The following FGF12 variants were observed in gnomAD, a reference collection of about 807,000 sequenced individuals.
The protein encoded by FGF12 is fibroblast growth factor 12.
Under a neutral mutation model 23.6 loss-of-function variants are expected in FGF12, and 14 were observed. The ratio of observed to expected loss-of-function variants is 0.59; its 90% CI spans 0.39 to 0.93. The LOEUF is 0.93. Ranked by LOEUF, FGF12 falls within the 40% of genes least tolerant of loss-of-function variation. FGF12 has a pLI of 0.00. For missense variants in FGF12, 175 were observed against 217.8 expected, an observed-to-expected ratio of 0.80 and a Z score of 1.24; for synonymous variants, 62 against 77.3, an observed-to-expected ratio of 0.80 and a Z score of 1.04.
At chr3:192,467,554 A>C (rs1185880630) in intron 2 of FGF12, among the ~76,000 whole-genome samples, 1 of 152,222 alleles carries the variant, frequency 6.6e-6, no homozygotes, top group Non-Finnish European at 1.5e-5. Flanking sequence ...AATTACCATA[A>C]TTAAGAAAGA....
At chr3:192,147,421 G>A (rs1008575183) in intron 5 of FGF12, among the ~76,000 whole-genome samples, 4 of 152,090 alleles carry the variant, frequency 2.6e-5, no homozygotes, top group African/African-American at 4.8e-5. Context: ...TTGCATTAAC[G>A]CTTAATGACT....
intron 4 of FGF12, among the ~76,000 whole-genome samples, chr3:192,283,579 G>A (rs1431845938): frequency 6.6e-6 from 1 of 152,038 alleles, no homozygotes; most frequent in African/African-American, 2.4e-5. Context: ...ATCACTCCTG[G>A]TTGGGAGAGA....
At chr3:192,203,710 A>G (rs1226609695) in intron 4 of FGF12, among the ~76,000 whole-genome samples, 1 of 151,842 alleles carries the variant, frequency 6.6e-6, no homozygotes, top group Non-Finnish European at 1.5e-5. Flanking sequence ...TTCAGATTAT[A>G]GATTATAGAT....
chr3:192,288,393 T>C (rs997209656), intron 4 of FGF12, among the ~76,000 whole-genome samples: 1 of 152,108 alleles, frequency 6.6e-6, no homozygotes, highest in African/African-American at 2.4e-5. Flanking sequence ...AAACATAGTA[T>C]CTATTCTCCC....
chr3:192,391,435 T>C (rs1168499806), intron 2 of FGF12, among the ~76,000 whole-genome samples: 5 of 152,196 alleles, frequency 3.3e-5, no homozygotes, highest in African/African-American at 7.2e-5. Flanking sequence ...AATTATGAAG[T>C]TCTTTTCTCA....
chr3:192,249,537 G>T (rs2108604564), intron 4 of FGF12, among the ~76,000 whole-genome samples: 1 of 152,128 alleles, frequency 6.6e-6, no homozygotes, highest in African/African-American at 2.4e-5. Flanking sequence ...AGGAAGAGAG[G>T]AGTTTTTTTT....
chr3:192,715,410 T>A (rs1505443), intron 2 of FGF12, among the ~76,000 whole-genome samples: 35,797 of 152,072 alleles, frequency 0.24, 4,594 homozygotes, highest in East Asian at 0.38. Flanking sequence ...AATCCATTAA[T>A]CTTCTCCTGG....
chr3:192,314,417 A>C (rs1054946881), intron 4 of FGF12, among the ~76,000 whole-genome samples: 1 of 152,162 alleles, frequency 6.6e-6, no homozygotes, highest in African/African-American at 2.4e-5. Context: ...ACTTCTGGGA[A>C]GATGTTAGCT....
At chr3:192,513,430 T>C (rs1393721555) in intron 2 of FGF12, among the ~76,000 whole-genome samples, 2 of 152,208 alleles carry the variant, frequency 1.3e-5, no homozygotes, top group African/African-American at 2.4e-5. Flanking sequence ...CAGTTCTTTT[T>C]AGTAGTTTTC....
chr3:192,380,840 A>G (rs1719785077), intron 2 of FGF12, among the ~76,000 whole-genome samples: 1 of 151,976 alleles, frequency 6.6e-6, no homozygotes, highest in Non-Finnish European at 1.5e-5. Flanking sequence ...AACCCCACGT[A>G]AGTATTTTAA....
intron 2 of FGF12, among the ~76,000 whole-genome samples, chr3:192,394,934 C>T (rs1316683612): frequency 6.6e-6 from 1 of 152,178 alleles, no homozygotes; most frequent in Non-Finnish European, 1.5e-5. Context: ...TCACTTAGCG[C>T]TTCACCAGAG....
At chr3:192,627,065 G>T (rs1715198218) in intron 2 of FGF12, among the ~76,000 whole-genome samples, 1 of 152,078 alleles carries the variant, frequency 6.6e-6, no homozygotes, top group African/African-American at 2.4e-5. Context: ...GATATGCTTG[G>T]AAGAGCTATA....
intron 2 of FGF12, among the ~76,000 whole-genome samples, chr3:192,379,972 G>A (rs1719748582): frequency 1.3e-5 from 2 of 152,134 alleles, no homozygotes; most frequent in South Asian, 4.1e-4. Flanking sequence ...ATACCATAAA[G>A]TACCCAGATT....
chr3:192,369,504 T>C (rs1719128582), intron 2 of FGF12, among the ~76,000 whole-genome samples: 1 of 152,138 alleles, frequency 6.6e-6, no homozygotes, highest in Admixed American at 6.5e-5. Flanking sequence ...ATAACCTTCA[T>C]TTTTGGAGTT....
At chr3:192,565,104 G>A (rs1712216422) in intron 2 of FGF12, among the ~76,000 whole-genome samples, 1 of 152,198 alleles carries the variant, frequency 6.6e-6, no homozygotes, top group Admixed American at 6.5e-5. Flanking sequence ...TAGCAAGTTT[G>A]AAAATTCTCT....
chr3:192,192,072 A>G (rs1223645491), intron 4 of FGF12, among the ~76,000 whole-genome samples: 1 of 152,226 alleles, frequency 6.6e-6, no homozygotes, highest in Non-Finnish European at 1.5e-5. Flanking sequence ...AACCTTCAGG[A>G]CAAACTCTAG....
intron 4 of FGF12, among the ~76,000 whole-genome samples, chr3:192,286,938 G>T (rs1395033690): frequency 2.0e-5 from 3 of 151,884 alleles, no homozygotes; most frequent in African/African-American, 4.8e-5. Flanking sequence ...TTTCTTCAGG[G>T]TTTACATCCT....
intron 2 of FGF12, among the ~76,000 whole-genome samples, chr3:192,392,238 A>G (rs1400198994): frequency 6.6e-6 from 1 of 152,084 alleles, no homozygotes; most frequent in South Asian, 2.1e-4. Context: ...AGTTGACAAC[A>G]TATGTCATCC....
chr3:192,535,619 T>A (rs1012857466), intron 2 of FGF12, among the ~76,000 whole-genome samples: 1 of 152,124 alleles, frequency 6.6e-6, no homozygotes, highest in Non-Finnish European at 1.5e-5. Flanking sequence ...AGCTGTACAA[T>A]CTCTAAAATG....
Sources: allele counts gnomAD v4.1 joint callset (sites outside exome capture counted in the v4.1 genomes callset), GRCh38; gene constraint gnomAD v4.1.1; transcripts MANE v1.5; gene names NCBI Gene and HGNC (gene_info 2026-07-23, HGNC 2026-07-21).